SLC12A2: variants seen among roughly 807,000 people sequenced by gnomAD.
SLC12A2 encodes Na-K-2Cl cotransporter 1.
In SLC12A2, 67 loss-of-function variants were observed where a neutral mutation model predicts 136.3. The observed-to-expected ratio is 0.49, with a 90% CI of 0.40 to 0.60. The LOEUF (loss-of-function observed/expected upper bound fraction) is 0.60, where lower values mean the gene tolerates loss of function less well. SLC12A2 is among the 20% of genes least tolerant of loss of function. The pLI is 0.00. For missense variants in SLC12A2, 1,322 were observed against 1,534.7 expected, an observed-to-expected ratio of 0.86 and a Z score of 2.32; for synonymous variants, 619 against 562.9, an observed-to-expected ratio of 1.10 and a Z score of -1.41.
intron 1 of SLC12A2, among the ~76,000 whole-genome samples, chr5:128,107,354 A>G (rs1367737402): frequency 1.3e-5 from 2 of 152,208 alleles, no homozygotes; most frequent in East Asian, 1.9e-4. Flanking sequence ...CAGTTTTGCT[A>G]CATAGGTATA....
At chr5:128,095,565 C>T (rs1468492099) in intron 1 of SLC12A2, among the ~76,000 whole-genome samples, 1 of 152,080 alleles carries the variant, frequency 6.6e-6, no homozygotes, top group African/African-American at 2.4e-5. Flanking sequence ...TTTATTCAAC[C>T]TCTTAGAGCA....
intron 1 of SLC12A2, among the ~76,000 whole-genome samples, chr5:128,108,627 G>T (rs540282388): frequency 6.6e-6 from 1 of 152,274 alleles, no homozygotes; most frequent in Admixed American, 6.5e-5. Context: ...TTGGTGATTG[G>T]CAGGGGCTGA....
intron 6 of SLC12A2, among the ~76,000 whole-genome samples, chr5:128,134,495 A>AATAC (rs1762125246): frequency 6.6e-6 from 1 of 152,056 alleles, no homozygotes; most frequent in Admixed American, 6.6e-5. Flanking sequence ...AGTACTTTGT[A>AATAC]AATTTTGAAT....
At chr5:128,156,569 G>C (rs1191026627) in intron 15 of SLC12A2, among the ~76,000 whole-genome samples, 1 of 152,120 alleles carries the variant, frequency 6.6e-6, no homozygotes, top group Admixed American at 6.6e-5. Flanking sequence ...ACAATAACGG[G>C]TTCTATTAGG....
At chr5:128,137,744 C>A (rs1762230530) in intron 7 of SLC12A2, among the ~76,000 whole-genome samples, 1 of 151,982 alleles carries the variant, frequency 6.6e-6, no homozygotes, top group African/African-American at 2.4e-5. Context: ...AACACTAGGT[C>A]TAGTTGAAGC....
intron 16 of SLC12A2, among the ~76,000 whole-genome samples, chr5:128,159,315 A>T (rs552991610): frequency 2.8e-4 from 42 of 152,332 alleles, no homozygotes; most frequent in African/African-American, 9.9e-4. Flanking sequence ...AAGAAAACAT[A>T]GGCAGTACCA....
intron 4 of SLC12A2, among the ~76,000 whole-genome samples, chr5:128,125,438 C>T (rs1374519177): frequency 6.6e-6 from 1 of 152,152 alleles, no homozygotes; most frequent in Non-Finnish European, 1.5e-5. Context: ...TATGTGTTTA[C>T]TGGCCACTTG....
chr5:128,180,703 C>T (rs950529176), intron 22 of SLC12A2, among the ~76,000 whole-genome samples, 180 bp from the exon 23 acceptor site: 18 of 152,150 alleles, frequency 1.2e-4, no homozygotes, highest in African/African-American at 3.6e-4. Context: ...GATCAGACTC[C>T]GTTAGGAGTC....
intron 22 of SLC12A2, 98 bp from the exon 23 acceptor site, chr5:128,180,785 T>C: frequency 1.4e-6 from 1 of 721,474 alleles, no homozygotes; most frequent in Non-Finnish European, 2.4e-6. Flanking sequence ...TTTTGTTTCA[T>C]ATGGAGTTGT....
chr5:128,150,284 TTCTTA>T (rs1189166833), intron 13 of SLC12A2, among the ~76,000 whole-genome samples, 186 bp downstream of exon 13: 4 of 151,836 alleles, frequency 2.6e-5, no homozygotes, highest in Admixed American at 1.3e-4. Context: ...ATAATATTGT[TTCTTA>T]TCTTCAAAGC....
At chr5:128,101,517 G>A (rs1301864196) in intron 1 of SLC12A2, among the ~76,000 whole-genome samples, 1 of 151,890 alleles carries the variant, frequency 6.6e-6, no homozygotes, top group Admixed American at 6.6e-5. Flanking sequence ...TATAATTTTG[G>A]GTTTATTTAA....
At chr5:128,138,558 G>C in intron 7 of SLC12A2, 39 bp from the exon 8 acceptor site, 1 of 1,574,666 alleles carries the variant, frequency 6.4e-7, no homozygotes, top group East Asian at 2.2e-5. Context: ...AGTCTAATTT[G>C]CTCTCCATTA....
chr5:128,187,346 A>C lies in SLC12A2; in HGVS notation c.*715A>C, dbSNP rs1286514631. On this transcript the variant is annotated 3_prime_UTR_variant, in exon 27 of 27. Transcript: ENST00000262461. ...TACTATATTTATTATTATTTATTGA[A>C]ACCTTAGGGAAGATTGAAGATTCAT... 6.6e-6 allele frequency: 1 copy of C among 152,034 alleles called. No individual in the cohort carries two copies. The highest frequency in any genetic ancestry group is 1.5e-5 in the Non-Finnish European group (1 of 67,986). The allele number at this position is 152,034 out of a possible 1,614,324, so 9.4% of individuals were successfully genotyped here. A position where few individuals can be genotyped will look rare whatever the true frequency, so the allele number is the denominator to read the frequency against.
At chr5:128,163,400 G>A (rs1028063746) in intron 17 of SLC12A2, among the ~76,000 whole-genome samples, 3 of 152,012 alleles carry the variant, frequency 2.0e-5, no homozygotes, top group Non-Finnish European at 2.9e-5. Context: ...GTGGTGGCAC[G>A]CACCTGTAAT....
chr5:128,149,909 T>A, intron 12 of SLC12A2, 88 bp from the exon 13 acceptor site: 1 of 900,510 alleles, frequency 1.1e-6, no homozygotes, highest in East Asian at 2.5e-5. Flanking sequence ...GGGTGTTACG[T>A]TGTTATCTAA....
rs148992265 is a variant in SLC12A2 at position 128,137,030 on chromosome 5, C to T, written c.1408+1222C>T. 1.4e-3 allele frequency among the ~76,000 whole-genome samples: 216 copies of T among 152,252 alleles called. 1 individual carries two copies. The highest frequency in any genetic ancestry group is 4.2e-3 in the African/African-American group (176 of 41,558). On this transcript the variant is annotated intron_variant, in intron 7 of 26. Coordinates refer to ENST00000262461, the MANE Select transcript of SLC12A2 (RefSeq NM_001046.3). ...CTTTCCTAATCAGTGTATTTATTCT[C>T]CCATCTCTAGATTGAACCTCTGCAG...
intron 5 of SLC12A2, among the ~76,000 whole-genome samples, 176 bp from the exon 6 acceptor site, chr5:128,133,989 A>C (rs111361480): frequency 7.2e-5 from 11 of 151,968 alleles, no homozygotes; most frequent in African/African-American, 2.7e-4. Flanking sequence ...AATGACTAAC[A>C]CCTCAGTGGT....
intron 17 of SLC12A2, among the ~76,000 whole-genome samples, chr5:128,164,748 CCT>C (rs1411732102): frequency 1.3e-5 from 2 of 151,880 alleles, no homozygotes; most frequent in Admixed American, 1.3e-4. Flanking sequence ...TCAATTTTTC[CCT>C]GTCCCCTCAT....
At chr5:128,110,305 G>C in intron 1 of SLC12A2, 1 of 844,792 alleles carries the variant, frequency 1.2e-6, no homozygotes, top group South Asian at 1.3e-5. Flanking sequence ...CCTACGACTT[G>C]ACTGACTGTT....
Sources: gnomAD v4.1 joint callset for allele counts (sites outside exome capture counted in the v4.1 genomes callset) on GRCh38, gnomAD v4.1.1 for gene constraint, MANE v1.5 for transcripts, NCBI Gene and HGNC (gene_info 2026-07-23, HGNC 2026-07-21) for gene names.